Variants in GRK3 observed in about 807,000 individuals in gnomAD.
GRK3 encodes adrenergic, beta, receptor kinase 2.
Under a neutral mutation model 95.7 loss-of-function variants are expected in GRK3, and 54 were observed. The observed-to-expected ratio is 0.56, with a 90% CI of 0.45 to 0.71. The LOEUF (loss-of-function observed/expected upper bound fraction) is 0.71, where lower values mean the gene tolerates loss of function less well. GRK3 is among the 30% of genes least tolerant of loss of function. The pLI is 0.00. For missense variants in GRK3, 649 were observed against 851.2 expected, an observed-to-expected ratio of 0.76 and a Z score of 2.96; for synonymous variants, 281 against 290.8, an observed-to-expected ratio of 0.97 and a Z score of 0.34.
chr22:25,673,551 G>A (rs918590475), intron 7 of GRK3, among the ~76,000 whole-genome samples: 2 of 151,542 alleles, frequency 1.3e-5, no homozygotes, highest in Admixed American at 6.6e-5. Flanking sequence ...CTTCTGCCTC[G>A]GGAGACCCTG....
intron 15 of GRK3, among the ~76,000 whole-genome samples, chr22:25,708,000 G>T (rs1376804316): frequency 6.6e-6 from 1 of 152,134 alleles, no homozygotes; most frequent in African/African-American, 2.4e-5. Flanking sequence ...TACTTTGGGA[G>T]GCCGAGGTGG....
intron 8 of GRK3, among the ~76,000 whole-genome samples, chr22:25,676,660 C>A (rs1245525458): frequency 1.3e-5 from 2 of 149,270 alleles, no homozygotes; most frequent in African/African-American, 5.0e-5. Context: ...CATTGCACTT[C>A]AGCCTGAGTG....
At chr22:25,604,519 A>G (rs531203137) in intron 2 of GRK3, 66 bp downstream of exon 2, 27 of 1,092,226 alleles carry the variant, frequency 2.5e-5, no homozygotes, top group Non-Finnish European at 3.3e-5. Context: ...TACTATAGTA[A>G]TATATGAATG....
chr22:25,586,175 G>A (rs1397324534), intron 1 of GRK3, among the ~76,000 whole-genome samples: 1 of 152,252 alleles, frequency 6.6e-6, no homozygotes, highest in East Asian at 1.9e-4. Flanking sequence ...GAGTCCTTTG[G>A]TATGCAACAG....
At chr22:25,647,865 C>G in intron 3 of GRK3, 1 of 682,980 alleles carries the variant, frequency 1.5e-6, no homozygotes, top group East Asian at 3.0e-5. Context: ...AATCCCAGCA[C>G]TTTGGGAGGC....
chr22:25,720,398 A>G (rs1372434067), intron 19 of GRK3, among the ~76,000 whole-genome samples: 1 of 152,034 alleles, frequency 6.6e-6, no homozygotes, highest in Non-Finnish European at 1.5e-5. Context: ...ATTTATTTAA[A>G]ACAAAAACCG....
intron 2 of GRK3, among the ~76,000 whole-genome samples, chr22:25,616,363 C>T (rs1235657736): frequency 3.3e-5 from 5 of 151,824 alleles, no homozygotes; most frequent in African/African-American, 1.2e-4. Flanking sequence ...ACCTTCTTCA[C>T]ATGGCGGCAG....
chr22:25,629,472 C>A (rs979137031), intron 2 of GRK3, among the ~76,000 whole-genome samples: 1 of 152,234 alleles, frequency 6.6e-6, no homozygotes, highest in Admixed American at 6.5e-5. Context: ...TTACTAGTTT[C>A]TCCCATCTTT....
intron 3 of GRK3, among the ~76,000 whole-genome samples, chr22:25,653,976 C>T (rs372356678): frequency 7.9e-5 from 12 of 152,278 alleles, no homozygotes; most frequent in Admixed American, 3.9e-4. Flanking sequence ...CGTGAGCCAC[C>T]GGCGCCCAGC....
intron 1 of GRK3, among the ~76,000 whole-genome samples, chr22:25,575,046 C>T (rs1264028744): frequency 2.0e-5 from 3 of 152,144 alleles, no homozygotes; most frequent in Non-Finnish European, 2.9e-5. Flanking sequence ...CTCTTCATCC[C>T]TCCAATAAAT....
At chr22:25,719,442 A>C (rs570940716) in intron 19 of GRK3, among the ~76,000 whole-genome samples, 1 of 152,302 alleles carries the variant, frequency 6.6e-6, no homozygotes, top group Admixed American at 6.5e-5. Flanking sequence ...GAGGTCACCA[A>C]AAGATGCTTC....
intron 2 of GRK3, among the ~76,000 whole-genome samples, chr22:25,606,461 G>T (rs1373533513): frequency 6.6e-6 from 1 of 152,180 alleles, no homozygotes; most frequent in Non-Finnish European, 1.5e-5. Flanking sequence ...AGGCATTGGG[G>T]GAGAGTGGAA....
intron 2 of GRK3, among the ~76,000 whole-genome samples, chr22:25,620,026 G>T (rs1433579885): frequency 1.8e-4 from 26 of 145,814 alleles, no homozygotes; most frequent in Admixed American, 5.4e-4. Context: ...GTGTGTGTGT[G>T]TGTGTGTGTG....
intron 11 of GRK3, among the ~76,000 whole-genome samples, chr22:25,689,422 C>T (rs1192808786): frequency 6.6e-6 from 1 of 152,136 alleles, no homozygotes; most frequent in Non-Finnish European, 1.5e-5. Flanking sequence ...TCTAGTCACT[C>T]ATGATTATTC....
chr22:25,673,419 A>AT (rs879830854), intron 7 of GRK3, among the ~76,000 whole-genome samples: 1,514 of 138,706 alleles, frequency 0.011, 15 homozygotes, highest in South Asian at 0.029. Flanking sequence ...GAAATGATCT[A>AT]TTTTTTTTTT....
chr22:25,697,171 T>C lies in GRK3; in HGVS notation c.1160+1957T>C, dbSNP rs151085587. Among the ~76,000 whole-genome samples the C allele has an allele frequency of 1.0e-3, 153 of 152,352 alleles. 1 individual carries two copies. The highest frequency in any genetic ancestry group is 3.6e-3 in the African/African-American group (151 of 41,578). On this transcript the variant is annotated intron_variant, in intron 13 of 20. Coordinates refer to ENST00000324198, the MANE Select transcript of GRK3 (RefSeq NM_005160.4). ...ATCTGACAATCCCAGAAGCCTTGTA[T>C]TTAGGGCTTTGTGTACTTCTTTGTT...
chr22:25,641,331 C>T (rs2084741051), intron 2 of GRK3, among the ~76,000 whole-genome samples: 1 of 152,156 alleles, frequency 6.6e-6, no homozygotes, highest in South Asian at 2.1e-4. Flanking sequence ...TTCCTTCCTC[C>T]TTTCCCCCGA....
intron 19 of GRK3, among the ~76,000 whole-genome samples, chr22:25,720,968 T>C (rs2085427541): frequency 6.6e-6 from 1 of 152,202 alleles, no homozygotes; most frequent in Non-Finnish European, 1.5e-5. Flanking sequence ...ATTGACAGAA[T>C]GTATATGAGT....
intron 2 of GRK3, among the ~76,000 whole-genome samples, chr22:25,622,326 G>A (rs1244937236): frequency 7.9e-5 from 12 of 152,208 alleles, no homozygotes; most frequent in Non-Finnish European, 1.3e-4. Flanking sequence ...CTCCCTCAGC[G>A]TCTGAGGGTA....
Sources: gnomAD v4.1 joint callset for allele counts (sites outside exome capture counted in the v4.1 genomes callset) on GRCh38, gnomAD v4.1.1 for gene constraint, MANE v1.5 for transcripts, NCBI Gene and HGNC (gene_info 2026-07-23, HGNC 2026-07-21) for gene names.